The following NAALADL2 variants were observed in gnomAD, a reference collection of about 807,000 sequenced individuals.
NAALADL2 encodes the protein N-acetylated alpha-linked acidic dipeptidase like 2.
NAALADL2 carries 76 observed loss-of-function variants against 87.2 expected under a neutral mutation model. The observed-to-expected ratio is 0.87, with a 90% CI of 0.72 to 1.05. The LOEUF is 1.05. Ranked by LOEUF, NAALADL2 falls within the 50% of genes least tolerant of loss-of-function variation. NAALADL2 has a pLI of 0.00. For missense variants in NAALADL2, 1,089 were observed against 945.8 expected (o/e 1.15, Z -1.99); for synonymous variants, 354 against 331.0 (o/e 1.07, Z -0.75).
intron 1 of NAALADL2, among the ~76,000 whole-genome samples, chr3:174,880,307 C>T (rs1474191484): frequency 6.6e-6 from 1 of 152,082 alleles, no homozygotes; most frequent in Non-Finnish European, 1.5e-5. Context: ...GGAAGTAACT[C>T]ATTTCCAGTT....
At chr3:175,683,721 G>A (rs1477770078) in intron 11 of NAALADL2, among the ~76,000 whole-genome samples, 6 of 151,822 alleles carry the variant, frequency 4.0e-5, no homozygotes, top group Non-Finnish European at 8.8e-5. Context: ...CTTTCTTTTA[G>A]TTTCTGATTC....
intron 5 of NAALADL2, among the ~76,000 whole-genome samples, chr3:175,433,604 A>G (rs766508766): frequency 5.9e-5 from 9 of 152,032 alleles, no homozygotes; most frequent in African/African-American, 1.2e-4. Context: ...AAGAAAACTC[A>G]TTACTAAGTA....
At chr3:175,273,005 G>A (rs994776551) in intron 4 of NAALADL2, among the ~76,000 whole-genome samples, 16 of 151,876 alleles carry the variant, frequency 1.1e-4, no homozygotes, top group Non-Finnish European at 1.2e-4. Flanking sequence ...AACAAAATCC[G>A]ATTTATATTT....
At chr3:174,990,606 G>A (rs187193700) in intron 1 of NAALADL2, among the ~76,000 whole-genome samples, 2 of 152,046 alleles carry the variant, frequency 1.3e-5, no homozygotes, top group African/African-American at 2.4e-5. Context: ...CTTTTCAAAA[G>A]TCGATAAAAA....
At chr3:174,457,246 CTGT>C (rs772111552) in intron 1 of NAALADL2, among the ~76,000 whole-genome samples, 9 of 152,152 alleles carry the variant, frequency 5.9e-5, no homozygotes, top group Non-Finnish European at 1.3e-4. Flanking sequence ...CACTTAGACA[CTGT>C]TGTTGGGTGT....
At chr3:175,423,436 GC>G (rs1560527046) in intron 5 of NAALADL2, among the ~76,000 whole-genome samples, 1 of 111,176 alleles carries the variant, frequency 9.0e-6, no homozygotes, top group East Asian at 2.6e-4. Context: ...CCCACAACAG[GC>G]CCCGGTGTGT....
At chr3:175,138,156 A>G (rs931144454) in intron 2 of NAALADL2, among the ~76,000 whole-genome samples, 6 of 152,348 alleles carry the variant, frequency 3.9e-5, no homozygotes, top group African/African-American at 1.4e-4. Flanking sequence ...AAGAAAGGAA[A>G]GTAAATCCAA....
At chr3:175,779,297 G>A (rs1432895557) in intron 13 of NAALADL2, among the ~76,000 whole-genome samples, 1 of 151,900 alleles carries the variant, frequency 6.6e-6, no homozygotes, top group Non-Finnish European at 1.5e-5. Flanking sequence ...ATAGGCCAAA[G>A]CAGCCTATCT....
intron 11 of NAALADL2, among the ~76,000 whole-genome samples, chr3:175,665,261 A>G (rs1196513515): frequency 6.6e-6 from 1 of 152,214 alleles, no homozygotes; most frequent in Non-Finnish European, 1.5e-5. Flanking sequence ...TAAAACAATT[A>G]TTTGTCAACA....
At chr3:174,923,038 C>G (rs1489161221) in intron 1 of NAALADL2, among the ~76,000 whole-genome samples, 1 of 151,986 alleles carries the variant, frequency 6.6e-6, no homozygotes. Flanking sequence ...TTCTAAATGT[C>G]ATTCTACAAA....
rs550206710 is a variant in NAALADL2, at chr3:174,623,595, C to T, written c.-115+72958C>T. 2.0e-5 allele frequency among the ~76,000 whole-genome samples: 3 copies of T among 151,132 alleles called. No homozygotes were observed. The East Asian group carries it at 5.8e-4, about 29-fold the overall frequency. Reference sequence around the variant, plus strand: ...ATAAATATTTAAATAAATGGTGCGTCTGTGAGATTTTTTTCCAATTGTTGC... The same window carrying T: ...ATAAATATTTAAATAAATGGTGCGTTTGTGAGATTTTTTTCCAATTGTTGC... On this transcript the variant is annotated intron_variant, in intron 2 of 3. Transcript: ENST00000434257.
intron 10 of NAALADL2, among the ~76,000 whole-genome samples, chr3:175,596,618 G>C (rs1457150912): frequency 6.6e-6 from 1 of 151,806 alleles, no homozygotes; most frequent in Non-Finnish European, 1.5e-5. Flanking sequence ...TGAGAAGTCT[G>C]CTCTCCAGTA....
chr3:175,464,329 C>A (rs1385273932), intron 7 of NAALADL2, among the ~76,000 whole-genome samples: 1 of 150,646 alleles, frequency 6.6e-6, no homozygotes, highest in East Asian at 2.0e-4. Flanking sequence ...GAGGCTGAGA[C>A]AGGAGAATCG....
chr3:175,123,962 G>GT (rs1726538045), intron 2 of NAALADL2, among the ~76,000 whole-genome samples: 2 of 151,848 alleles, frequency 1.3e-5, no homozygotes, highest in African/African-American at 4.8e-5. Flanking sequence ...CAAAGGGATA[G>GT]TTTTTTTCCT....
At chr3:175,626,599 C>T (rs1203427621) in intron 10 of NAALADL2, among the ~76,000 whole-genome samples, 1 of 151,840 alleles carries the variant, frequency 6.6e-6, no homozygotes, top group Non-Finnish European at 1.5e-5. Flanking sequence ...GCATAATTTT[C>T]ACCGTAATCT....
intron 11 of NAALADL2, among the ~76,000 whole-genome samples, chr3:175,657,818 C>T (rs905523194): frequency 1.3e-5 from 2 of 151,728 alleles, no homozygotes; most frequent in African/African-American, 2.4e-5. Context: ...CCTCGTGATC[C>T]GCCCGTCTCA....
intron 1 of NAALADL2, among the ~76,000 whole-genome samples, chr3:174,896,358 A>C (rs1348445216): frequency 6.6e-6 from 1 of 152,168 alleles, no homozygotes; most frequent in African/African-American, 2.4e-5. Context: ...ATCAATATAC[A>C]TTTTGATTTT....
chr3:175,201,031 C>A (rs1739941056), intron 2 of NAALADL2, among the ~76,000 whole-genome samples: 1 of 152,164 alleles, frequency 6.6e-6, no homozygotes. Flanking sequence ...CTCTCATATA[C>A]TTTCAGAATT....
intron 1 of NAALADL2, among the ~76,000 whole-genome samples, chr3:175,014,289 C>T (rs559302399): frequency 6.6e-6 from 1 of 152,138 alleles, no homozygotes; most frequent in Non-Finnish European, 1.5e-5. Context: ...TATATCCTTG[C>T]TTCCTTCCCT....
Sources: gnomAD v4.1 joint callset for allele counts (sites outside exome capture counted in the v4.1 genomes callset) on GRCh38, gnomAD v4.1.1 for gene constraint, MANE v1.5 for transcripts, NCBI Gene and HGNC (gene_info 2026-07-23, HGNC 2026-07-21) for gene names.